The following ZFAND2A variants were observed in gnomAD, a reference collection of about 807,000 sequenced individuals.
The protein encoded by ZFAND2A is zinc finger AN1-type containing 2A, also known as AN1-type zinc finger protein 2A.
A neutral mutation model predicts 11.6 loss-of-function variants in ZFAND2A; 20 were observed. That is an observed-to-expected ratio of 1.72 (90% CI 1.21 to 2.50). The LOEUF is 2.50. ZFAND2A is among the 30% of genes most tolerant of loss of function. ZFAND2A has a pLI of 0.00. For synonymous variants in ZFAND2A, 93 were observed against 60.6 expected, an observed-to-expected ratio of 1.54 and a Z score of -2.48; for missense variants, 234 against 182.9, an observed-to-expected ratio of 1.28 and a Z score of -1.61.
chr7:1,157,797 A>C, intron 2 of ZFAND2A, 47 bp from the exon 3 acceptor site: 1 of 1,388,186 alleles, frequency 7.2e-7, no homozygotes, highest in East Asian at 2.4e-5. Flanking sequence ...GGAACAAAAT[A>C]CTTCCAGATA....
downstream of ZFAND2A, among the ~76,000 whole-genome samples, chr7:1,152,668 A>G (rs1348299577): frequency 2.0e-5 from 3 of 152,126 alleles, no homozygotes; most frequent in African/African-American, 7.2e-5. Context: ...AAGTCGGGAC[A>G]CACACAGAAT....
At chr7:1,152,316 T>G, downstream of ZFAND2A, 1 of 1,580,728 alleles carries the variant, frequency 6.3e-7, no homozygotes, top group Non-Finnish European at 8.6e-7. Flanking sequence ...CCCAACGGCC[T>G]GGATTCAGAG....
chr7:1,148,971 ATTT>A (rs988721070), downstream of ZFAND2A, among the ~76,000 whole-genome samples: 28 of 149,352 alleles, frequency 1.9e-4, no homozygotes, highest in African/African-American at 5.9e-4. Context: ...CTGGCTATTT[ATTT>A]TTTTTGAGAG....
downstream of ZFAND2A, among the ~76,000 whole-genome samples, chr7:1,149,493 G>A (rs533265169): frequency 3.9e-5 from 6 of 152,326 alleles, no homozygotes; most frequent in South Asian, 1.0e-3. Flanking sequence ...TTTGACACAG[G>A]CTAGGGCTTG....
intron 4 of ZFAND2A, among the ~76,000 whole-genome samples, chr7:1,153,833 C>G (rs1793456853): frequency 6.6e-6 from 1 of 152,142 alleles, no homozygotes; most frequent in Non-Finnish European, 1.5e-5. Context: ...GTAATCCCAG[C>G]TACTTGGGAG....
In ZFAND2A at chr7:1,159,202, G is replaced by A. The variant is rs535020694; in HGVS notation, c.-46+762C>T. Among the ~76,000 whole-genome samples, 4 of 152,312 alleles carry A rather than the reference G, an allele frequency of 2.6e-5. No individual in the cohort carries two copies. In the South Asian group the frequency reaches 6.2e-4, roughly 24 times the overall value. On this transcript the variant is annotated intron_variant, in intron 1 of 4. Transcript: ENST00000316495. ...CGCTGCTTTACTATTAGCTCCCGGT[G>A]CCCGACACACAGCAGGCGTTCCGAA...
chr7:1,154,515 G>A (rs1400112118), intron 4 of ZFAND2A, among the ~76,000 whole-genome samples: 1 of 152,196 alleles, frequency 6.6e-6, no homozygotes, highest in East Asian at 1.9e-4. Context: ...GAAGAAGCGG[G>A]TGTGCCAGAG....
Position 1,157,698 on chromosome 7 carries a change from A to C in ZFAND2A, c.108T>G (p.His36Gln), listed in dbSNP as rs771816621. 3.1e-5 allele frequency: 48 copies of C among 1,566,706 alleles called. No individual in the cohort carries two copies. The highest frequency in any genetic ancestry group is 4.0e-5 in the Non-Finnish European group (47 of 1,161,098). Residue 36 changes from histidine to glutamine, a missense_variant, in exon 3 of 5, where the codon CAT becomes CAG. His to Gln is a conservative substitution (Grantham distance 24, BLOSUM62 0). Transcript: ENST00000316495. ...GACACTTATGTGCAGCGTATGGAAA[A>C]TGATCTTTACAGAAATCTTGTTTAC... The part of the protein sequence containing the change: ...DACKQDFCKD[H>Q]FPYAAHKCPF...
chr7:1,158,770 G>A (rs151068011), intron 1 of ZFAND2A, among the ~76,000 whole-genome samples: 1 of 152,270 alleles, frequency 6.6e-6, no homozygotes, highest in East Asian at 1.9e-4. Context: ...AGGGAGAAGC[G>A]CAAGCTGTTA....
Position 1,159,958 on chromosome 7 carries a change from C to G in ZFAND2A, c.-46+6G>C, listed in dbSNP as rs2128259819. ...AGACCCTGTCTGCGCAATCCCGGCC[C>G]CGTACCTGGCTCTCGTCGGGGACCC... On this transcript the variant is annotated splice_donor_region_variant and intron_variant, in intron 1 of 4. Transcript: ENST00000316495. 1.3e-5 allele frequency: 2 copies of G among 159,108 alleles called. No homozygotes were observed. The highest frequency in any genetic ancestry group is 4.8e-5 in the African/African-American group (2 of 41,606). The allele number at this position is 159,108 out of a possible 1,614,324, so 9.9% of individuals were successfully genotyped here.
At chr7:1,157,856 G>T in intron 2 of ZFAND2A, 106 bp from the exon 3 acceptor site, 1 of 860,540 alleles carries the variant, frequency 1.2e-6, no homozygotes. Context: ...CCTATGAGAT[G>T]GACAGGTCCT....
downstream of ZFAND2A, among the ~76,000 whole-genome samples, chr7:1,149,740 G>A (rs932745104): frequency 1.6e-4 from 25 of 152,200 alleles, no homozygotes; most frequent in Non-Finnish European, 2.9e-5. Flanking sequence ...AGGCCACTGC[G>A]GCACGGCGCT....
At chr7:1,150,887 C>CT (rs10568309), downstream of ZFAND2A, among the ~76,000 whole-genome samples, 2,175 of 128,084 alleles carry the variant, frequency 0.017, 33 homozygotes, top group East Asian at 0.055. Context: ...ACAACTGTGC[C>CT]TTTTTTTTTT....
At chr7:1,151,119 C>T (rs1230291482), downstream of ZFAND2A, among the ~76,000 whole-genome samples, 1 of 152,118 alleles carries the variant, frequency 6.6e-6, no homozygotes, top group Non-Finnish European at 1.5e-5. Context: ...AACTCCTGAC[C>T]TCAGGTGATC....
downstream of ZFAND2A, chr7:1,152,041 T>TATG (rs1563158755): frequency 3.9e-6 from 2 of 507,952 alleles, no homozygotes; most frequent in Non-Finnish European, 6.7e-6. Flanking sequence ...AAACCAGCTG[T>TATG]ATGATGCTGC....
chr7:1,159,185 T>TG (rs564144110), intron 1 of ZFAND2A, among the ~76,000 whole-genome samples: 100 of 152,336 alleles, frequency 6.6e-4, no homozygotes, highest in African/African-American at 2.2e-3. Flanking sequence ...TCCGCTGCTT[T>TG]ACTATTAGCT....
intron 3 of ZFAND2A, among the ~76,000 whole-genome samples, chr7:1,156,602 GC>G (rs1161849686): frequency 3.9e-5 from 6 of 151,980 alleles, no homozygotes; most frequent in Admixed American, 2.6e-4. Flanking sequence ...GGGGTGGACC[GC>G]CCAGCAGCTA....
chr7:1,154,788 T>TAGGAAC, intron 4 of ZFAND2A, among the ~76,000 whole-genome samples: 1 of 152,326 alleles, frequency 6.6e-6, no homozygotes, highest in Non-Finnish European at 1.5e-5. Flanking sequence ...GACCCATGAC[T>TAGGAAC]AGGAACGGAT....
At position 1,158,223 on chromosome 7, in the gene ZFAND2A, G is replaced by T; in HGVS notation, c.-11C>A. ...ATCAGGAAACTCCATTATGAGAACAGTGCTCAAAACGCAGATGGCGGAGTT... is the reference window on the plus strand; with the variant it reads ...ATCAGGAAACTCCATTATGAGAACATTGCTCAAAACGCAGATGGCGGAGTT... On this transcript the variant is annotated 5_prime_UTR_variant, in exon 2 of 5. In the 5' UTR this introduces an upstream ATG that the reference lacks. Transcript: ENST00000316495. 6.2e-7 allele frequency: 1 copy of T among 1,613,754 alleles called. No individual in the cohort carries two copies.
Sources: allele counts gnomAD v4.1 joint callset (sites outside exome capture counted in the v4.1 genomes callset), GRCh38; gene constraint gnomAD v4.1.1; transcripts MANE v1.5; gene names NCBI Gene and HGNC (gene_info 2026-07-23, HGNC 2026-07-21).